The following PCDH7 variants were observed in gnomAD, a reference collection of about 807,000 sequenced individuals.
PCDH7 encodes the protein protocadherin-7.
In PCDH7, 17 loss-of-function variants were observed where a neutral mutation model predicts 58.9. That is an observed-to-expected ratio of 0.29 (90% confidence interval 0.20 to 0.43). The LOEUF (loss-of-function observed/expected upper bound fraction) is 0.43. Among genes scored for constraint, PCDH7 ranks in the 20% least tolerant of loss-of-function variants. The pLI is 1.00. For missense variants in PCDH7, 1,274 were observed against 1,441.0 expected, an observed-to-expected ratio of 0.88 and a Z score of 1.88; for synonymous variants, 664 against 616.4, an observed-to-expected ratio of 1.08 and a Z score of -1.14.
At chr4:30,902,905 T>G (rs996360078) in intron 1 of PCDH7, among the ~76,000 whole-genome samples, 1 of 152,108 alleles carries the variant, frequency 6.6e-6, no homozygotes, top group Non-Finnish European at 1.5e-5. Flanking sequence ...AGCTTAAGAA[T>G]TCAAACCATT....
At chr4:30,858,527 T>A (rs1377794570) in intron 1 of PCDH7, among the ~76,000 whole-genome samples, 1 of 152,216 alleles carries the variant, frequency 6.6e-6, no homozygotes, top group African/African-American at 2.4e-5. Context: ...TTAAGTAAAT[T>A]TATCACTGAA....
chr4:31,068,822 T>A (rs1446700840), intron 3 of PCDH7, among the ~76,000 whole-genome samples: 1 of 152,002 alleles, frequency 6.6e-6, no homozygotes. Flanking sequence ...AGGGATAGAT[T>A]ATAAATAGGA....
chr4:30,886,528 C>T (rs1225053446), intron 1 of PCDH7, among the ~76,000 whole-genome samples: 1 of 146,434 alleles, frequency 6.8e-6, no homozygotes, highest in South Asian at 2.1e-4. Context: ...GTTGGTGGGA[C>T]TGTAAACTAG....
chr4:30,862,972 A>G (rs1170928169), intron 1 of PCDH7, among the ~76,000 whole-genome samples: 3 of 152,182 alleles, frequency 2.0e-5, no homozygotes, highest in Non-Finnish European at 2.9e-5. Flanking sequence ...AAGATTTTCC[A>G]ACTGTATACA....
At chr4:30,812,886 C>A (rs1382452640) in intron 1 of PCDH7, among the ~76,000 whole-genome samples, 1 of 152,150 alleles carries the variant, frequency 6.6e-6, no homozygotes, top group African/African-American at 2.4e-5. Flanking sequence ...ATATTAAATT[C>A]TCTAACTGTC....
intron 1 of PCDH7, among the ~76,000 whole-genome samples, chr4:30,916,678 C>G (rs1282142769): frequency 1.3e-5 from 2 of 152,184 alleles, no homozygotes; most frequent in Non-Finnish European, 2.9e-5. Context: ...TTTTAAGTCT[C>G]AAGATGGAAC....
chr4:30,951,883 T>C (rs1249339111), intron 3 of PCDH7, among the ~76,000 whole-genome samples: 1 of 152,170 alleles, frequency 6.6e-6, no homozygotes, highest in Non-Finnish European at 1.5e-5. Flanking sequence ...CTTGAGTTAC[T>C]AGAGGGCAAT....
At chr4:30,816,447 T>G (rs563621541) in intron 1 of PCDH7, among the ~76,000 whole-genome samples, 1 of 152,334 alleles carries the variant, frequency 6.6e-6, no homozygotes, top group African/African-American at 2.4e-5. Flanking sequence ...ACTGACCTTT[T>G]AAAATATGTA....
Position 30,986,711 on chromosome 4 carries a change from G to C in PCDH7, c.*7+36496G>C, listed in dbSNP as rs1411277359. Among the ~76,000 whole-genome samples, 5 of 152,124 alleles carry C rather than the reference G, an allele frequency of 3.3e-5. No homozygotes were observed. The South Asian group carries it at 6.2e-4, about 19-fold the overall frequency. ...GAAAATGTCTTTATTGGCCGGTCGC[G>C]GTGGCTCATGCCTGTAATCCCAGCA... On this transcript the variant is annotated intron_variant, in intron 3 of 3. Transcript: ENST00000509759.
chr4:31,048,685 G>A (rs561677254), intron 3 of PCDH7, among the ~76,000 whole-genome samples: 1 of 151,770 alleles, frequency 6.6e-6, no homozygotes, highest in Admixed American at 6.6e-5. Context: ...AGCTTTTCAG[G>A]AGAAAGCATC....
intron 1 of PCDH7, among the ~76,000 whole-genome samples, chr4:30,791,774 A>G (rs971273004): frequency 9.8e-5 from 15 of 152,324 alleles, no homozygotes; most frequent in African/African-American, 3.6e-4. Context: ...CCAAAATCAA[A>G]TCTCTGTCAC....
At chr4:30,750,887 T>G (rs2109258002) in intron 1 of PCDH7, among the ~76,000 whole-genome samples, 1 of 152,116 alleles carries the variant, frequency 6.6e-6, no homozygotes, top group Non-Finnish European at 1.5e-5. Flanking sequence ...GAAATACTAT[T>G]TTTTTTTCCA....
chr4:30,962,458 T>A (rs115497415), intron 3 of PCDH7, among the ~76,000 whole-genome samples: 2 of 152,250 alleles, frequency 1.3e-5, no homozygotes, highest in East Asian at 1.9e-4. Flanking sequence ...TATGTATGTA[T>A]GTTTCTAATT....
chr4:30,779,160 A>C (rs1002893215), intron 1 of PCDH7, among the ~76,000 whole-genome samples: 12 of 151,878 alleles, frequency 7.9e-5, no homozygotes, highest in Non-Finnish European at 1.5e-4. Flanking sequence ...AGCTGGGATT[A>C]TTACAGGTGC....
intron 3 of PCDH7, among the ~76,000 whole-genome samples, chr4:31,026,023 G>A (rs1754392622): frequency 1.3e-5 from 2 of 152,128 alleles, no homozygotes; most frequent in South Asian, 4.1e-4. Context: ...ACTAGTATGT[G>A]TCAAACAATT....
intron 1 of PCDH7, 68 bp from the exon 2 acceptor site, chr4:30,920,085 G>A: frequency 8.5e-7 from 1 of 1,176,136 alleles, no homozygotes; most frequent in Admixed American, 2.3e-5. Flanking sequence ...TGTAATTTAT[G>A]TATTTTTTAA....
downstream of PCDH7, among the ~76,000 whole-genome samples, chr4:30,735,912 T>C (rs1477324878): frequency 6.6e-5 from 10 of 152,140 alleles, no homozygotes; most frequent in Admixed American, 6.5e-4. Flanking sequence ...AAGTGGCTTG[T>C]TTGGGTTTGG....
chr4:31,112,459 CTA>C (rs748061259), intron 3 of PCDH7, among the ~76,000 whole-genome samples: 3 of 152,094 alleles, frequency 2.0e-5, no homozygotes, highest in Non-Finnish European at 4.4e-5. Flanking sequence ...ATAATTACTA[CTA>C]AAAACCAAAG....
chr4:30,756,665 A>G (rs1227128158), intron 1 of PCDH7, among the ~76,000 whole-genome samples: 2 of 152,094 alleles, frequency 1.3e-5, no homozygotes, highest in Admixed American at 1.3e-4. Flanking sequence ...GCCACTACCT[A>G]TATTTCTCCT....
Sources: gnomAD v4.1 joint callset for allele counts (sites outside exome capture counted in the v4.1 genomes callset) on GRCh38, gnomAD v4.1.1 for gene constraint, MANE v1.5 for transcripts, NCBI Gene and HGNC (gene_info 2026-07-23, HGNC 2026-07-21) for gene names.